The following IQCM variants were observed in gnomAD, a reference collection of about 807,000 sequenced individuals.
IQCM encodes IQ motif containing M, also known as IQ domain-containing protein M.
In IQCM, 45 loss-of-function variants were observed where a neutral mutation model predicts 57.6. The ratio of observed to expected loss-of-function variants is 0.78; its 90% confidence interval spans 0.62 to 1.00. The LOEUF is 1.00. Among genes scored for constraint, IQCM ranks in the 50% least tolerant of loss-of-function variants. IQCM has a pLI of 0.00. For missense variants in IQCM, 468 were observed against 511.6 expected (o/e 0.91, Z 0.82); for synonymous variants, 148 against 158.9 (o/e 0.93, Z 0.51).
chr4:149,775,152 C>T (rs1266598888), intron 2 of IQCM, among the ~76,000 whole-genome samples: 1 of 151,816 alleles, frequency 6.6e-6, no homozygotes, highest in African/African-American at 2.4e-5. Flanking sequence ...TTTCATCCTA[C>T]CCCTAAATTC....
intron 8 of IQCM, among the ~76,000 whole-genome samples, chr4:149,589,309 A>C (rs1752915522): frequency 6.6e-6 from 1 of 152,018 alleles, no homozygotes; most frequent in African/African-American, 2.4e-5. Flanking sequence ...TCAGTGATAT[A>C]TGGTGTGCTC....
intron 2 of IQCM, among the ~76,000 whole-genome samples, chr4:149,800,399 T>C (rs753339788): frequency 6.6e-5 from 10 of 151,136 alleles, no homozygotes; most frequent in Non-Finnish European, 1.0e-4. Context: ...TCATACAGAG[T>C]GGGGAAAAAC....
chr4:149,726,561 T>G (rs1005222881), intron 5 of IQCM, among the ~76,000 whole-genome samples: 2 of 152,200 alleles, frequency 1.3e-5, no homozygotes, highest in Non-Finnish European at 2.9e-5. Flanking sequence ...GGATTTTTTT[T>G]CTACCTACAT....
At chr4:149,568,991 A>T (rs1460033464) in intron 9 of IQCM, among the ~76,000 whole-genome samples, 1 of 152,118 alleles carries the variant, frequency 6.6e-6, no homozygotes, top group Admixed American at 6.5e-5. Context: ...AATGGAAGTG[A>T]TAATGTGCCA....
At chr4:149,406,508 T>G (rs1386326911) in intron 13 of IQCM, among the ~76,000 whole-genome samples, 1 of 152,116 alleles carries the variant, frequency 6.6e-6, no homozygotes, top group African/African-American at 2.4e-5. Context: ...AAGACCTGTA[T>G]AGATAGAACA....
chr4:149,428,559 G>T (rs945241862), intron 13 of IQCM, among the ~76,000 whole-genome samples: 1 of 151,730 alleles, frequency 6.6e-6, no homozygotes, highest in Admixed American at 6.6e-5. Context: ...AGTTTCAACT[G>T]CAATAAAGGA....
At chr4:149,638,370 A>G (rs1757897659) in intron 7 of IQCM, among the ~76,000 whole-genome samples, 1 of 152,178 alleles carries the variant, frequency 6.6e-6, no homozygotes, top group Non-Finnish European at 1.5e-5. Context: ...TTAAGTAAAC[A>G]TACATCTATG....
intron 5 of IQCM, among the ~76,000 whole-genome samples, chr4:149,696,576 T>A (rs761725293): frequency 6.6e-6 from 1 of 152,158 alleles, no homozygotes. Context: ...TTCAGACTTA[T>A]GTATGCATTA....
intron 10 of IQCM, 104 bp from the exon 11 acceptor site, chr4:149,553,391 GTATT>G: frequency 1.1e-6 from 1 of 934,310 alleles, no homozygotes; most frequent in South Asian, 5.7e-5. Context: ...GATTATGGGT[GTATT>G]TATTGTTTAT....
intron 9 of IQCM, among the ~76,000 whole-genome samples, chr4:149,564,976 C>A (rs151241719): frequency 4.7e-4 from 71 of 152,174 alleles, no homozygotes; most frequent in African/African-American, 1.6e-3. Flanking sequence ...TATGTATATA[C>A]CTGTTATGTT....
chr4:149,449,705 A>T (rs549260946), intron 12 of IQCM, among the ~76,000 whole-genome samples: 3 of 151,750 alleles, frequency 2.0e-5, no homozygotes, highest in Non-Finnish European at 2.9e-5. Flanking sequence ...AAAGAAATTG[A>T]AGAGGCCACC....
At chr4:149,444,580 A>G (rs1468211795) in intron 12 of IQCM, among the ~76,000 whole-genome samples, 1 of 151,906 alleles carries the variant, frequency 6.6e-6, no homozygotes, top group Admixed American at 6.6e-5. Context: ...AATTTCTTTC[A>G]TAGGATAACA....
intron 2 of IQCM, among the ~76,000 whole-genome samples, chr4:149,804,256 C>T (rs964988186): frequency 2.0e-5 from 3 of 152,030 alleles, no homozygotes; most frequent in Admixed American, 2.0e-4. Flanking sequence ...TTTCTTTAAT[C>T]TTCACCATGA....
At chr4:149,458,269 G>A (rs1737913212) in intron 12 of IQCM, among the ~76,000 whole-genome samples, 1 of 151,884 alleles carries the variant, frequency 6.6e-6, no homozygotes, top group African/African-American at 2.4e-5. Flanking sequence ...CACCAACAAA[G>A]AATGTAAAAG....
chr4:149,409,860 C>T (rs1394541121), intron 13 of IQCM, among the ~76,000 whole-genome samples: 1 of 152,170 alleles, frequency 6.6e-6, no homozygotes, highest in African/African-American at 2.4e-5. Context: ...TGGCCTTATT[C>T]ACACTGCATC....
chr4:149,760,349 A>C (rs952370535), intron 2 of IQCM, among the ~76,000 whole-genome samples: 7 of 152,200 alleles, frequency 4.6e-5, no homozygotes, highest in Non-Finnish European at 8.8e-5. Context: ...AGCTGGCATT[A>C]CAAAAAATAA....
intron 7 of IQCM, among the ~76,000 whole-genome samples, chr4:149,657,261 C>T (rs1417100412): frequency 6.6e-6 from 1 of 152,124 alleles, no homozygotes; most frequent in Non-Finnish European, 1.5e-5. Context: ...ACTGAGATCA[C>T]ATGGTATTTG....
intron 13 of IQCM, among the ~76,000 whole-genome samples, chr4:149,390,621 G>A (rs1731782943): frequency 1.3e-5 from 2 of 151,764 alleles, no homozygotes; most frequent in Admixed American, 1.3e-4. Flanking sequence ...TTTGTTGAGG[G>A]CTTTTGTCAT....
intron 13 of IQCM, among the ~76,000 whole-genome samples, chr4:149,364,728 C>A (rs1049060248): frequency 6.6e-6 from 1 of 151,932 alleles, no homozygotes. Context: ...CAAAATGTAG[C>A]TTATAGAATA....
Sources: allele counts gnomAD v4.1 joint callset (sites outside exome capture counted in the v4.1 genomes callset), GRCh38; gene constraint gnomAD v4.1.1; transcripts MANE v1.5; gene names NCBI Gene and HGNC (gene_info 2026-07-23, HGNC 2026-07-21).